Variants in INTS13 observed in about 807,000 individuals in gnomAD.
The protein encoded by INTS13 is integrator complex subunit 13, also known as asunder, spermatogenesis regulator homolog (Drosphila).
In INTS13, 35 loss-of-function variants were observed where a neutral mutation model predicts 90.2. The observed-to-expected ratio is 0.39, with a 90% confidence interval of 0.30 to 0.51. INTS13 has a LOEUF of 0.51. INTS13 is among the 20% of genes least tolerant of loss of function. The pLI, the probability that INTS13 is intolerant of heterozygous loss-of-function variation, is 0.80. For missense variants in INTS13, 601 were observed against 851.2 expected, an observed-to-expected ratio of 0.71 and a Z score of 3.66; for synonymous variants, 309 against 277.1, an observed-to-expected ratio of 1.11 and a Z score of -1.14.
rs751914935 is a variant in INTS13, at chr12:26,911,217, C to A, written c.1906G>T (p.Val636Phe). The change falls in exon 15 of 17, where the codon GTT (valine) becomes TTT (phenylalanine). Residue 636 changes from valine to phenylalanine, a missense_variant. Val to Phe is a conservative substitution (Grantham distance 50, BLOSUM62 -1). This residue lies in a region of INTS13 where 228 missense variants were observed against 272.5 expected (regional missense o/e 0.84). Transcript: ENST00000261191. ...ACTTGTGGAGTTTCATCCATTTCAACAAGGGGTTTTTTGTTTGGAGGTTCT... is the reference window on the plus strand; with the variant it reads ...ACTTGTGGAGTTTCATCCATTTCAAAAAGGGGTTTTTTGTTTGGAGGTTCT... ...SPEPPNKKPL[V>F]EMDETPQVEK... is the part of the protein sequence containing the mutation. The A allele has an allele frequency of 6.2e-7, 1 of 1,613,848 alleles. No individual in the cohort carries two copies. Among genetic ancestry groups the A allele is most frequent in the South Asian group, 1.1e-5 (1 of 91,044 alleles).
intron 2 of INTS13, among the ~76,000 whole-genome samples, 193 bp downstream of exon 2, chr12:26,936,386 A>G (rs780014981): frequency 6.6e-6 from 1 of 152,254 alleles, no homozygotes; most frequent in Non-Finnish European, 1.5e-5. Flanking sequence ...AAAGTGCTCA[A>G]TAATTGTTAG....
intron 5 of INTS13, among the ~76,000 whole-genome samples, 198 bp downstream of exon 5, chr12:26,928,007 C>A (rs1937979165): frequency 6.6e-6 from 1 of 152,028 alleles, no homozygotes; most frequent in African/African-American, 2.4e-5. Context: ...CTTTTGATCA[C>A]CTTTCTTGTG....
At chr12:26,920,557 C>G (rs369605484) in intron 8 of INTS13, among the ~76,000 whole-genome samples, 164 of 152,124 alleles carry the variant, frequency 1.1e-3, no homozygotes, top group African/African-American at 3.4e-3. Context: ...CGCCACCATG[C>G]CCGGCTAATT....
At chr12:26,921,305 C>T (rs1451114647) in intron 8 of INTS13, among the ~76,000 whole-genome samples, 1 of 152,154 alleles carries the variant, frequency 6.6e-6, no homozygotes, top group Non-Finnish European at 1.5e-5. Context: ...ACTTAAATTT[C>T]AAAATTTAAT....
chr12:26,936,490 T>C, intron 2 of INTS13, 89 bp downstream of exon 2: 2 of 946,764 alleles, frequency 2.1e-6, no homozygotes, highest in Non-Finnish European at 3.2e-6. Flanking sequence ...AAACACACAG[T>C]CATTATCTAT....
At chr12:26,925,698 C>A (rs1278477978) in intron 6 of INTS13, 63 bp downstream of exon 6, 8 of 1,293,824 alleles carry the variant, frequency 6.2e-6, no homozygotes, top group South Asian at 5.4e-5. Context: ...TTAATGATAA[C>A]CCTTCTCAGT....
At chr12:26,932,117 CA>C (rs1343436587) in intron 3 of INTS13, among the ~76,000 whole-genome samples, 5 of 149,176 alleles carry the variant, frequency 3.4e-5, no homozygotes, top group Non-Finnish European at 1.5e-5. Flanking sequence ...ACTCATAAAC[CA>C]AAAAAGAAAG....
intron 3 of INTS13, among the ~76,000 whole-genome samples, chr12:26,932,551 G>A (rs1938252887): frequency 1.3e-5 from 2 of 152,192 alleles, no homozygotes; most frequent in Admixed American, 6.5e-5. Flanking sequence ...GCACATAAGA[G>A]AGTAAAGGTA....
intron 7 of INTS13, among the ~76,000 whole-genome samples, chr12:26,922,956 C>CT (rs1335773055): frequency 6.6e-6 from 1 of 151,846 alleles, no homozygotes; most frequent in Non-Finnish European, 1.5e-5. Context: ...ACAAAGATGA[C>CT]TAACTCAGAA....
At chr12:26,905,678 T>G (rs1205284059) in intron 16 of INTS13, 142 bp from the exon 17 acceptor site, 1 of 780,884 alleles carries the variant, frequency 1.3e-6, no homozygotes, top group African/African-American at 1.8e-5. Flanking sequence ...AACATCAGGG[T>G]TCCTCTAGCT....
At chr12:26,935,585 G>A (rs1026278578) in intron 2 of INTS13, among the ~76,000 whole-genome samples, 6 of 152,198 alleles carry the variant, frequency 3.9e-5, no homozygotes, top group African/African-American at 1.4e-4. Context: ...CTGAGGCTTG[G>A]AGAGATTAAG....
chr12:26,932,359 T>C (rs1002626239), intron 3 of INTS13, among the ~76,000 whole-genome samples: 4 of 152,036 alleles, frequency 2.6e-5, no homozygotes, highest in Non-Finnish European at 5.9e-5. Flanking sequence ...CCAAACACAG[T>C]GGGGAAAGGC....
intron 3 of INTS13, among the ~76,000 whole-genome samples, chr12:26,934,076 C>A (rs77430005): frequency 0.11 from 16,454 of 152,140 alleles, 1,226 homozygotes; most frequent in Admixed American, 0.22. Flanking sequence ...AAGTTCAAGA[C>A]CAGCCTGGCC....
In INTS13 at chr12:26,916,382, A is replaced by G. The variant is rs189474571; in HGVS notation, c.1070-202T>C. ...TTTATCTCAGTTACTCCAAGGTTAC[A>G]TAGTTAATACAGTTTCTCACAACAA... On this transcript the variant is annotated intron_variant, in intron 10 of 16. Transcript: ENST00000261191. Among the ~76,000 whole-genome samples, 323 of 152,334 alleles carry G rather than the reference A, an allele frequency of 2.1e-3. 1 individual carries two copies. Among genetic ancestry groups the G allele is most frequent in the African/African-American group, 7.5e-3 (313 of 41,580 alleles).
intron 5 of INTS13, among the ~76,000 whole-genome samples, chr12:26,927,983 T>A (rs1937977298): frequency 6.6e-6 from 1 of 152,236 alleles, no homozygotes; most frequent in Non-Finnish European, 1.5e-5. Context: ...TATAAATTTA[T>A]GTATTATTTT....
intron 8 of INTS13, among the ~76,000 whole-genome samples, chr12:26,921,385 T>C (rs1952115048): frequency 6.6e-6 from 1 of 152,236 alleles, no homozygotes; most frequent in African/African-American, 2.4e-5. Flanking sequence ...CTCAAGGTTG[T>C]TTGCCTGCAA....
At chr12:26,921,858 G>A (rs1435424055) in intron 8 of INTS13, among the ~76,000 whole-genome samples, 1 of 152,222 alleles carries the variant, frequency 6.6e-6, no homozygotes, top group African/African-American at 2.4e-5. Context: ...CCTTCGCCAT[G>A]TTGGCCACGC....
At chr12:26,924,674 A>G (rs1937769314) in intron 6 of INTS13, among the ~76,000 whole-genome samples, 191 bp from the exon 7 acceptor site, 1 of 152,204 alleles carries the variant, frequency 6.6e-6, no homozygotes, top group African/African-American at 2.4e-5. Flanking sequence ...CACTCACCAC[A>G]TATGTATTAA....
chr12:26,910,998 C>A (rs1951757894), intron 15 of INTS13, among the ~76,000 whole-genome samples, 180 bp downstream of exon 15: 1 of 151,954 alleles, frequency 6.6e-6, no homozygotes, highest in Non-Finnish European at 1.5e-5. Context: ...ACCATGCCCG[C>A]CTAATTTTGT....
Sources: allele counts gnomAD v4.1 joint callset (sites outside exome capture counted in the v4.1 genomes callset), GRCh38; gene constraint gnomAD v4.1.1; regional missense constraint gnomAD v4.1.1; transcripts MANE v1.5; gene names NCBI Gene and HGNC (gene_info 2026-07-23, HGNC 2026-07-21).